The following IRX6 variants were observed in gnomAD, a reference collection of about 807,000 sequenced individuals.
IRX6 encodes the protein iroquois-class homeodomain protein IRX-6.
Under a neutral mutation model 47.7 loss-of-function variants are expected in IRX6, and 46 were observed. The observed-to-expected ratio is 0.96, with a 90% CI of 0.76 to 1.23. The LOEUF is 1.23. Ranked by LOEUF, IRX6 falls within the 50% of genes most tolerant of loss-of-function variation. The pLI, the probability that IRX6 is intolerant of heterozygous loss-of-function variation, is 0.00. For missense variants in IRX6, 722 were observed against 588.0 expected, an observed-to-expected ratio of 1.23 and a Z score of -2.36; for synonymous variants, 265 against 246.2, an observed-to-expected ratio of 1.08 and a Z score of -0.72.
chr16:55,329,194 A>G lies in IRX6; in HGVS notation c.1216A>G (p.Ile406Val). Reference sequence around the variant, plus strand: ...CTCCGCGTGCGACGAGTCTTCCTGCATACCCAAAGCCTTTGGAAACCCCAA... The same window carrying G: ...CTCCGCGTGCGACGAGTCTTCCTGCGTACCCAAAGCCTTTGGAAACCCCAA... ...RDSACDESSCIPKAFGNPKFA... is the reference protein window; with the variant it reads ...RDSACDESSCVPKAFGNPKFA... Residue 406 changes from isoleucine (I) to valine (V), a missense_variant, in exon 5 of 6, where the codon ATA becomes GTA. Coordinates refer to ENST00000290552, the MANE Select transcript of IRX6 (RefSeq NM_024335.3). 1 of 1,614,112 alleles carries G rather than the reference A, an allele frequency of 6.2e-7. No individual in the cohort carries two copies.
chr16:55,328,857 T>G lies in IRX6; in HGVS notation c.879T>G (p.Pro293=). ...TCCGAAAGGGCGCGCAGTCACTGCC[T>G]GGGCCGTGCGCTGCAGCTCGAGAGG... ...TEFRKGAQSL[P]GPCAAAREGR... The change falls in exon 5 of 6, where the codon CCT becomes CCG. Residue 293 remains proline, a synonymous_variant. Transcript: ENST00000290552. 1.9e-6 allele frequency: 3 copies of G among 1,612,926 alleles called. No homozygotes were observed. Among genetic ancestry groups the G allele is most frequent in the Non-Finnish European group, 2.5e-6 (3 of 1,179,946 alleles).
Position 55,324,838 on chromosome 16 carries a change from C to A in IRX6, c.-254C>A. ...CGCCTTTGGGAACCCGCATCTTCTT[C>A]CTTCCCCTGCCCATCCATGGGCCCT... On this transcript the variant is annotated 5_prime_UTR_variant, in exon 1 of 6. Coordinates refer to ENST00000290552, the MANE Select transcript of IRX6 (RefSeq NM_024335.3). This position sits in a 1 kb window ranked among gnomAD's most constrained non-coding sequence, Gnocchi z 4.4. 1 of 565,188 alleles carries A rather than the reference C, an allele frequency of 1.8e-6. No homozygotes were observed. Among genetic ancestry groups the A allele is most frequent in the East Asian group, 3.0e-5 (1 of 32,974 alleles). 35.0% of individuals were successfully genotyped at this position (565,188 alleles called of 1,614,324 possible). A position where few individuals can be genotyped will look rare whatever the true frequency, so the allele number is the denominator to read the frequency against.
chr16:55,325,256 C>G, intron 1 of IRX6, 120 bp downstream of exon 1: 1 of 928,496 alleles, frequency 1.1e-6, no homozygotes, highest in South Asian at 1.4e-5. Context: ...GGAGCAAGGA[C>G]CAGGGTAATG....
rs1491427085 is a variant in IRX6, at chr16:55,325,530, G to GGAAGGAAGGAAGGAAGGAAAGAGAGAGA, written c.45+396_45+397insAGGAAGGAAGGAAGGAAAGAGAGAGAGA. Among the ~76,000 whole-genome samples the GGAAGGAAGGAAGGAAGGAAAGAGAGAGA allele has an allele frequency of 5.5e-4, 5 of 9,084 alleles. 1 individual carries two copies. Among genetic ancestry groups the GGAAGGAAGGAAGGAAGGAAAGAGAGAGA allele is most frequent in the Non-Finnish European group, 3.5e-4 (2 of 5,712 alleles). The allele number at this position is 9,084 out of a possible 152,430, so 6.0% of individuals were successfully genotyped here. A position where few individuals can be genotyped will look rare whatever the true frequency, so the allele number is the denominator to read the frequency against. ...AGGAAGGAAGGAAGGAAGGAAGGAA[G>GGAAGGAAGGAAGGAAGGAAAGAGAGAGA]GAGAGAGAGAGAGAGAGAGAGAGAG... is the stretch of plus-strand genomic sequence containing the variant. On this transcript the variant is annotated intron_variant, in intron 1 of 5. Coordinates refer to ENST00000290552, the MANE Select transcript of IRX6 (RefSeq NM_024335.3).
chr16:55,330,545 GAGGCTGGGAGGCTGCCCCACCC>G lies in IRX6; in HGVS notation c.*242_*263del. Reference sequence around the variant, plus strand: ...GGGCACCTTGGGGAAGGCCAAGTGGGAGGCTGGGAGGCTGCCCCACCCACCGACTCTACCAAGTCTCTCTTCC... The same window carrying G: ...GGGCACCTTGGGGAAGGCCAAGTGGGACCGACTCTACCAAGTCTCTCTTCC... On this transcript the variant is annotated 3_prime_UTR_variant, in exon 6 of 6. Transcript: ENST00000290552. 1.7e-6 allele frequency: 1 copy of G among 575,174 alleles called. No individual in the cohort carries two copies. The highest frequency in any genetic ancestry group is 3.1e-6 in the Non-Finnish European group (1 of 322,268). 35.6% of individuals were successfully genotyped at this position (575,174 alleles called of 1,614,324 possible).
chr16:55,325,530 GGAGAGAGAGAGA>G lies in IRX6; in HGVS notation c.45+415_45+426del, dbSNP rs750802559. ...AGGAAGGAAGGAAGGAAGGAAGGAA[GGAGAGAGAGAGA>G]GAGAGAGAGAGAGAGAGAGAAAGAA... is the stretch of plus-strand genomic sequence containing the variant. On this transcript the variant is annotated intron_variant, in intron 1 of 5. Coordinates refer to ENST00000290552, the MANE Select transcript of IRX6 (RefSeq NM_024335.3). 5.5e-4 allele frequency among the ~76,000 whole-genome samples: 5 copies of G among 9,082 alleles called. 1 individual carries two copies. Among genetic ancestry groups the G allele is most frequent in the Non-Finnish European group, 8.7e-4 (5 of 5,716 alleles). The allele number at this position is 9,082 out of a possible 152,430, so 6.0% of individuals were successfully genotyped here.
Position 55,328,719 on chromosome 16 carries a change from G to A in IRX6, c.741G>A (p.Glu247=). 6.2e-7 allele frequency: 1 copy of A among 1,613,206 alleles called. No homozygotes were observed. The highest frequency in any genetic ancestry group is 1.3e-5 in the African/African-American group (1 of 75,044). The stretch of plus-strand genomic sequence containing the variant: ...CTGCAGAAGTTACTGCTAGCCAGGA[G>A]GCCCGGGGGCTCCGGCTGAGTGACC... The part of the protein sequence containing the change: ...ADTKEVTASQ[E]ARGLRLSDLE... Residue 247 remains glutamate, a synonymous_variant, in exon 5 of 6, where the codon GAG becomes GAA. Transcript: ENST00000290552.
rs770100525 is a variant in IRX6, at chr16:55,328,310, C to T, written c.722-390C>T. Among the ~76,000 whole-genome samples the T allele has an allele frequency of 1.5e-3, 231 of 152,340 alleles. 1 individual carries two copies. Among genetic ancestry groups the T allele is most frequent in the Middle Eastern group, 3.4e-3 (1 of 294 alleles). On this transcript the variant is annotated intron_variant, in intron 4 of 5. Transcript: ENST00000290552. Reference sequence around the variant, plus strand: ...CCTAATACCTAAATGATGGCTGGTGCTCAGTAAATATTTGCTGAATTAAAT... The same window carrying T: ...CCTAATACCTAAATGATGGCTGGTGTTCAGTAAATATTTGCTGAATTAAAT...
rs544416199 is a variant in IRX6, at chr16:55,325,225, G to A, written c.45+89G>A. The A allele has an allele frequency of 3.9e-6, 5 of 1,297,604 alleles. No homozygotes were observed. The South Asian group carries it at 6.0e-5, about 16-fold the overall frequency. 80.4% of individuals were successfully genotyped at this position (1,297,604 alleles called of 1,614,324 possible). ...GCCTGCCTCTGATCATCCTCCTCTT[G>A]TGTTCTGGGGGAAGCCAGAAGGAGC... On this transcript the variant is annotated intron_variant, in intron 1 of 5. Coordinates refer to ENST00000290552, the MANE Select transcript of IRX6 (RefSeq NM_024335.3).
At chr16:55,326,850 G>A (rs57606480) in intron 2 of IRX6, 1 of 419,128 alleles carries the variant, frequency 2.4e-6, no homozygotes, top group African/African-American at 2.0e-5. Context: ...GTGCACAGGA[G>A]TTCAAATACT....
At chr16:55,329,799 G>C (rs1014467715) in intron 5 of IRX6, among the ~76,000 whole-genome samples, 3 of 152,226 alleles carry the variant, frequency 2.0e-5, no homozygotes, top group African/African-American at 7.2e-5. Context: ...TTTAAGGTCA[G>C]TGCTTAAGTC....
rs1228733190 is a variant in IRX6 at position 55,324,237 on chromosome 16, C to T, written c.-855C>T. ...CAGCCTCCGCCCAGCCTTCGCCCAC[C>T]CCAGCTCCCTCCCCCTCCCCCACGC... On this transcript the variant is annotated 5_prime_UTR_variant, in exon 1 of 6. Coordinates refer to ENST00000290552, the MANE Select transcript of IRX6 (RefSeq NM_024335.3). This position sits in a 1 kb window ranked among gnomAD's most constrained non-coding sequence, Gnocchi z 4.4. 3 of 152,312 alleles carry T rather than the reference C, an allele frequency of 2.0e-5. No homozygotes were observed. The highest frequency in any genetic ancestry group is 7.3e-5 in the African/African-American group (3 of 41,348). 9.4% of individuals were successfully genotyped at this position (152,312 alleles called of 1,614,324 possible).
chr16:55,326,086 C>T, intron 1 of IRX6: 1 of 511,548 alleles, frequency 2.0e-6, no homozygotes. Flanking sequence ...CCTCCTGGGG[C>T]TCTGGGGCCT....
intron 1 of IRX6, chr16:55,325,914 CCACTCCCAATCTATAG>C (rs1379469141): frequency 5.7e-6 from 1 of 175,282 alleles, no homozygotes; most frequent in Non-Finnish European, 1.2e-5. Flanking sequence ...CTCTGATTAT[CCACTCCCAATCTATAG>C]AATGGGAGCA....
Position 55,328,804 on chromosome 16 carries a change from G to T in IRX6, c.826G>T (p.Ala276Ser), listed in dbSNP as rs61742379. The change falls in exon 5 of 6, where the codon GCC becomes TCC. Residue 276 changes from alanine (A) to serine (S), a missense_variant. Physicochemically the swap from Ala to Ser is moderately conservative, Grantham distance 99. Transcript: ENST00000290552. ...EEEAEDEEVV[A>S]TAGDRLTEFR... ...GGAAGCTGAAGACGAGGAGGTAGTGGCCACAGCTGGGGACAGGCTGACGGA... is the reference window on the plus strand; with the variant it reads ...GGAAGCTGAAGACGAGGAGGTAGTGTCCACAGCTGGGGACAGGCTGACGGA... The T allele has an allele frequency of 1.1e-3, 1,790 of 1,613,190 alleles. 26 individuals carry two copies. In the African/African-American group the frequency reaches 0.021, roughly 19 times the overall value.
chr16:55,324,779 C>CCCGCG lies in IRX6; in HGVS notation c.-300_-296dup, dbSNP rs1182432598. The CCCGCG allele has an allele frequency of 1.1e-5, 5 of 465,500 alleles. No individual in the cohort carries two copies. Among genetic ancestry groups the CCCGCG allele is most frequent in the East Asian group, 4.3e-5 (1 of 23,254 alleles). 28.8% of individuals were successfully genotyped at this position (465,500 alleles called of 1,614,324 possible). A position where few individuals can be genotyped will look rare whatever the true frequency, so the allele number is the denominator to read the frequency against. On this transcript the variant is annotated 5_prime_UTR_variant, in exon 1 of 6. Transcript: ENST00000290552. This position sits in a 1 kb window ranked among gnomAD's most constrained non-coding sequence, Gnocchi z 4.4. ...TGGGACACCTCCGGAGCCTCACAGC[C>CCCGCG]CCGCGCCGCGCCGCGCCTCACCTCG...
rs1362243471 is a variant in IRX6 at position 55,327,686 on chromosome 16, C to T, written c.514C>T (p.Pro172Ser). Residue 172 changes from proline (P) to serine (S), a missense_variant, in exon 4 of 6, where the codon CCC becomes TCC. Transcript: ENST00000290552. ...CTGGCTCAACGAGCACCGCAAAAAC[C>T]CCTACCCCACTAAGGGTGAGAAGAT... ...KAWLNEHRKN[P>S]YPTKGEKIML... 1 of 1,612,396 alleles carries T rather than the reference C, an allele frequency of 6.2e-7. No homozygotes were observed. The highest frequency in any genetic ancestry group is 8.5e-7 in the Non-Finnish European group (1 of 1,180,012).
chr16:55,324,886 C>G lies in IRX6; in HGVS notation c.-206C>G. Reference sequence around the variant, plus strand: ...CCTTCTGTCTTCCGGACCCCACGGGCCGGAGGGGCGCCTTCCGGAGCGCAG... The same window carrying G: ...CCTTCTGTCTTCCGGACCCCACGGGGCGGAGGGGCGCCTTCCGGAGCGCAG... On this transcript the variant is annotated 5_prime_UTR_variant, in exon 1 of 6. Transcript: ENST00000290552. This position sits in a 1 kb window ranked among gnomAD's most constrained non-coding sequence, Gnocchi z 4.4. 1 of 603,720 alleles carries G rather than the reference C, an allele frequency of 1.7e-6. No individual in the cohort carries two copies. The highest frequency in any genetic ancestry group is 2.8e-5 in the East Asian group (1 of 35,988). 37.4% of individuals were successfully genotyped at this position (603,720 alleles called of 1,614,324 possible).
At position 55,326,361 on chromosome 16, in the gene IRX6, C is replaced by A. The variant is rs1021053735; in HGVS notation, c.71C>A (p.Thr24Asn). ...SQFLASASSSTTCCESTQRSV... is the reference protein window; with the variant it reads ...SQFLASASSSNTCCESTQRSV... ...TTTCTGGCGTCGGCAAGTTCCAGCA[C>A]CACATGCTGCGAATCTACCCAACGC... Residue 24 changes from threonine to asparagine, a missense_variant, in exon 2 of 6, where the codon ACC becomes AAC. Transcript: ENST00000290552. The A allele has an allele frequency of 6.2e-7, 1 of 1,613,866 alleles. No homozygotes were observed.
Sources: allele counts gnomAD v4.1 joint callset (sites outside exome capture counted in the v4.1 genomes callset), GRCh38; gene constraint gnomAD v4.1.1; non-coding constraint Gnocchi (gnomAD v3.1); transcripts MANE v1.5; gene names NCBI Gene and HGNC (gene_info 2026-07-23, HGNC 2026-07-21).